Variants in IRAG1 observed in about 807,000 individuals in gnomAD.
IRAG1 encodes IP3R-associated cGMP kinase substrate.
A neutral mutation model predicts 106.2 loss-of-function variants in IRAG1; 62 were observed. That is an observed-to-expected ratio of 0.58 (90% CI 0.48 to 0.72). The LOEUF is 0.72. IRAG1 is among the 30% of genes least tolerant of loss of function. The probability of loss-of-function intolerance (pLI) is 0.00; values close to 1 mark genes in which losing one functional copy is unlikely to be tolerated. For missense variants in IRAG1, 1,064 were observed against 1,140.7 expected, an observed-to-expected ratio of 0.93 and a Z score of 0.97; for synonymous variants, 462 against 443.9, an observed-to-expected ratio of 1.04 and a Z score of -0.51.
chr11:10,668,757 T>C (rs1192716778), intron 1 of IRAG1, among the ~76,000 whole-genome samples: 1 of 152,246 alleles, frequency 6.6e-6, no homozygotes, highest in Non-Finnish European at 1.5e-5. Flanking sequence ...TAAGTCTTTC[T>C]CATCTTTGTA....
chr11:10,680,512 A>AAAGAAAGG (rs71034779), intron 1 of IRAG1, among the ~76,000 whole-genome samples: 28,961 of 131,242 alleles, frequency 0.22, 3,502 homozygotes, highest in African/African-American at 0.29. Flanking sequence ...AGAAAGGGAA[A>AAAGAAAGG]AAGAAAGGAA....
intron 20 of IRAG1, among the ~76,000 whole-genome samples, chr11:10,577,599 G>A (rs1850957749): frequency 6.6e-6 from 1 of 152,208 alleles, no homozygotes; most frequent in Non-Finnish European, 1.5e-5. Flanking sequence ...AGTGATAGAA[G>A]TGCTTTCTGA....
chr11:10,589,332 T>C (rs1021819727), intron 18 of IRAG1, among the ~76,000 whole-genome samples: 10 of 152,246 alleles, frequency 6.6e-5, no homozygotes, highest in African/African-American at 2.4e-4. Flanking sequence ...TGACTGTATT[T>C]GTGTATAGGA....
At chr11:10,580,068 C>G (rs1480401644) in intron 20 of IRAG1, among the ~76,000 whole-genome samples, 1 of 152,214 alleles carries the variant, frequency 6.6e-6, no homozygotes, top group African/African-American at 2.4e-5. Context: ...AGTCAACTCT[C>G]TTTGTCTTGG....
chr11:10,597,411 G>A (rs1407982166), intron 15 of IRAG1, among the ~76,000 whole-genome samples: 1 of 152,172 alleles, frequency 6.6e-6, no homozygotes, highest in Non-Finnish European at 1.5e-5. Context: ...CTGAAGCCTT[G>A]ACTTCCTGGG....
chr11:10,651,380 G>A (rs1242922574), intron 2 of IRAG1, among the ~76,000 whole-genome samples: 4 of 152,214 alleles, frequency 2.6e-5, no homozygotes, highest in African/African-American at 4.8e-5. Flanking sequence ...GAGTTACTAT[G>A]TGAACAGATC....
intron 1 of IRAG1, among the ~76,000 whole-genome samples, chr11:10,667,103 T>G (rs1049709263): frequency 6.6e-6 from 1 of 152,106 alleles, no homozygotes; most frequent in Non-Finnish European, 1.5e-5. Flanking sequence ...ATTTTTAATA[T>G]GACAACATAT....
chr11:10,589,871 C>A (rs981141754), intron 18 of IRAG1, among the ~76,000 whole-genome samples: 1 of 152,184 alleles, frequency 6.6e-6, no homozygotes, highest in Non-Finnish European at 1.5e-5. Context: ...ACCTCAGTTT[C>A]CCTTACCAAG....
rs183483502 is a variant in IRAG1, at chr11:10,647,355, G to C, written c.225+4670C>G. On this transcript the variant is annotated intron_variant, in intron 2 of 20. Coordinates refer to ENST00000423302, the MANE Select transcript of IRAG1 (RefSeq NM_130385.4). The surrounding 1 kb of genome is among the most constrained non-coding windows in gnomAD (Gnocchi z 4.3). ...TGAAATGGGAATGATAATACCTACC[G>C]TAAGGCTAATTATATGTTAAATGAG... Among the ~76,000 whole-genome samples, 1 of 152,320 alleles carries C rather than the reference G, an allele frequency of 6.6e-6. No homozygotes were observed. Among genetic ancestry groups the C allele is most frequent in the Admixed American group, 6.5e-5 (1 of 15,294 alleles).
At chr11:10,584,013 T>C (rs1343926543) in intron 18 of IRAG1, among the ~76,000 whole-genome samples, 1 of 152,086 alleles carries the variant, frequency 6.6e-6, no homozygotes, top group East Asian at 1.9e-4. Context: ...CTTGGTAAGA[T>C]GGCTGGGAGG....
chr11:10,628,095 C>G lies in IRAG1; in HGVS notation c.653-70G>C, dbSNP rs1331398518. The G allele has an allele frequency of 1.3e-6, 2 of 1,535,140 alleles. No individual in the cohort carries two copies. Among genetic ancestry groups the G allele is most frequent in the South Asian group, 2.3e-5 (2 of 87,280 alleles). On this transcript the variant is annotated intron_variant, in intron 6 of 20. Coordinates refer to ENST00000423302, the MANE Select transcript of IRAG1 (RefSeq NM_130385.4). This position sits in a 1 kb window ranked among gnomAD's most constrained non-coding sequence, Gnocchi z 4.1. ...CCCTCAGCTGTGCTTTCAGCCACAT[C>G]TCCCTCCCCGGGCTATCCTCCCTTT...
chr11:10,627,840 C>T, intron 7 of IRAG1, 80 bp from the exon 8 acceptor site: 1 of 1,599,048 alleles, frequency 6.3e-7, no homozygotes, highest in South Asian at 1.1e-5. Context: ...AAGGAGGCCC[C>T]CTAGCAGTGG....
At position 10,629,582 on chromosome 11, in the gene IRAG1, C is replaced by G; in HGVS notation, c.530G>C (p.Arg177Pro). The G allele has an allele frequency of 2.5e-6, 4 of 1,613,920 alleles. No homozygotes were observed. Among genetic ancestry groups the G allele is most frequent in the Non-Finnish European group, 3.4e-6 (4 of 1,179,808 alleles). The change falls in exon 5 of 21, where the codon CGC (arginine) becomes CCC (proline). Residue 177 changes from arginine (R) to proline (P), a missense_variant. Arg to Pro is a moderately radical substitution (Grantham distance 103). Coordinates refer to ENST00000423302, the MANE Select transcript of IRAG1 (RefSeq NM_130385.4). ...AKLVSERFLT[R>P]RGRKSRSSPG... ...GCTGCTCCTGGACTTCCTCCCACGGCGGGTCAGGAATCGCTCACTCACCAA... is the reference window on the plus strand; with the variant it reads ...GCTGCTCCTGGACTTCCTCCCACGGGGGGTCAGGAATCGCTCACTCACCAA...
chr11:10,602,710 C>T (rs551788099), intron 14 of IRAG1, among the ~76,000 whole-genome samples: 1 of 152,306 alleles, frequency 6.6e-6, no homozygotes, highest in South Asian at 2.1e-4. Flanking sequence ...ATACTAGCTC[C>T]ATGGGAGTTG....
At chr11:10,656,176 G>T (rs1203828454) in intron 1 of IRAG1, among the ~76,000 whole-genome samples, 1 of 152,142 alleles carries the variant, frequency 6.6e-6, no homozygotes, top group Non-Finnish European at 1.5e-5. Context: ...CCCATAAAAG[G>T]AAAAAATATT....
Position 10,627,773 on chromosome 11 carries a change from G to T in IRAG1, c.706-13C>A, listed in dbSNP as rs765895990. 1 of 1,613,942 alleles carries T rather than the reference G, an allele frequency of 6.2e-7. No homozygotes were observed. Among genetic ancestry groups the T allele is most frequent in the Non-Finnish European group, 8.5e-7 (1 of 1,179,884 alleles). ...CCTCATCCCCCTTCTGCTGGAGAAG[G>T]TGAACAGGAGTCAGTCAGCAATGGG... On this transcript the variant is annotated splice_polypyrimidine_tract_variant and intron_variant, in intron 7 of 20. Coordinates refer to ENST00000423302, the MANE Select transcript of IRAG1 (RefSeq NM_130385.4).
chr11:10,612,138 A>T (rs1276528608), intron 10 of IRAG1, among the ~76,000 whole-genome samples: 1 of 152,212 alleles, frequency 6.6e-6, no homozygotes, highest in Non-Finnish European at 1.5e-5. Context: ...CCTGAAAAAC[A>T]GTGGCTAAAC....
rs1027191124 is a variant in IRAG1 at position 10,630,727 on chromosome 11, C to A, written c.401-1016G>T. Among the ~76,000 whole-genome samples, 3 of 152,320 alleles carry A rather than the reference C, an allele frequency of 2.0e-5. No homozygotes were observed. In the East Asian group the frequency reaches 5.8e-4, roughly 29 times the overall value. ...CTTGCTGGCCCCCACATACTCCTCC[C>A]AAGTCCCTCCACTTCAGCTGTGTCT... On this transcript the variant is annotated intron_variant, in intron 4 of 20. Coordinates refer to ENST00000423302, the MANE Select transcript of IRAG1 (RefSeq NM_130385.4).
rs1295986737 is a variant in IRAG1 at position 10,573,631 on chromosome 11, G to A, written c.*2701C>T. The A allele has an allele frequency of 1.3e-5, 2 of 152,276 alleles. No homozygotes were observed. The highest frequency in any genetic ancestry group is 4.8e-5 in the African/African-American group (2 of 41,442). 9.4% of individuals were successfully genotyped at this position (152,276 alleles called of 1,614,324 possible). Reference sequence around the variant, plus strand: ...CTTACAAATGGAATAGGGTGGGAGAGGGCCTGTGCCTGGAAGTACTCTTGC... The same window carrying A: ...CTTACAAATGGAATAGGGTGGGAGAAGGCCTGTGCCTGGAAGTACTCTTGC... On this transcript the variant is annotated 3_prime_UTR_variant, in exon 21 of 21. Coordinates refer to ENST00000423302, the MANE Select transcript of IRAG1 (RefSeq NM_130385.4).
Sources: allele counts gnomAD v4.1 joint callset (sites outside exome capture counted in the v4.1 genomes callset), GRCh38; gene constraint gnomAD v4.1.1; non-coding constraint Gnocchi (gnomAD v3.1); transcripts MANE v1.5; gene names NCBI Gene and HGNC (gene_info 2026-07-23, HGNC 2026-07-21).